KATNAL2: variants seen among roughly 807,000 people sequenced by gnomAD.
KATNAL2 encodes katanin p60 ATPase-containing subunit A-like 2.
Under a neutral mutation model 76.3 loss-of-function variants are expected in KATNAL2, and 52 were observed. That is an observed-to-expected ratio of 0.68 (90% CI 0.55 to 0.86). The LOEUF is 0.86. Ranked by LOEUF, KATNAL2 falls within the 40% of genes least tolerant of loss-of-function variation. The pLI is 0.00. For missense variants in KATNAL2, 660 were observed against 668.9 expected (o/e 0.99, Z 0.15); for synonymous variants, 243 against 244.2 (o/e 1.00, Z 0.05).
intron 3 of KATNAL2, among the ~76,000 whole-genome samples, chr18:46,959,250 A>C (rs1245391324): frequency 6.6e-6 from 1 of 152,228 alleles, no homozygotes; most frequent in Non-Finnish European, 1.5e-5. Context: ...TGAATTTTAA[A>C]TAACTCTTAC....
chr18:46,951,685 TCTC>T (rs2146703740), intron 3 of KATNAL2, among the ~76,000 whole-genome samples: 1 of 152,214 alleles, frequency 6.6e-6, no homozygotes, highest in East Asian at 1.9e-4. Context: ...CTATGAAACT[TCTC>T]CTCTCACCTT....
At chr18:47,032,261 C>T (rs558544313) in intron 3 of KATNAL2, among the ~76,000 whole-genome samples, 2 of 152,342 alleles carry the variant, frequency 1.3e-5, no homozygotes, top group South Asian at 4.1e-4. Flanking sequence ...TAGCAGTTTT[C>T]TTTGAGCCAT....
rs1371279407 is a variant in KATNAL2, at chr18:47,033,920, C to G, written c.52-12537C>G. On this transcript the variant is annotated intron_variant, in intron 3 of 17. Coordinates refer to ENST00000683218, the MANE Select transcript of KATNAL2 (RefSeq NM_001387690.1). ...TGGCTGGGCACCGTTTTCGGCCCGG[C>G]GGAATCAGCGCCGGCCGCCTGCAGC... The G allele has an allele frequency of 1.2e-6, 2 of 1,612,998 alleles. No individual in the cohort carries two copies. The highest frequency in any genetic ancestry group is 4.5e-5 in the East Asian group (2 of 44,874).
chr18:47,042,041 T>C (rs1043873647), intron 3 of KATNAL2, among the ~76,000 whole-genome samples: 2 of 152,180 alleles, frequency 1.3e-5, no homozygotes, highest in Non-Finnish European at 2.9e-5. Context: ...CATTTTTAAG[T>C]GGATTTTTTT....
intron 15 of KATNAL2, among the ~76,000 whole-genome samples, chr18:47,079,055 A>G (rs899713713): frequency 1.1e-4 from 16 of 152,046 alleles, no homozygotes; most frequent in African/African-American, 3.9e-4. Flanking sequence ...TGAACCCACC[A>G]TCTCCCCGTT....
intron 8 of KATNAL2, among the ~76,000 whole-genome samples, chr18:47,061,938 G>A (rs1261213667): frequency 6.6e-6 from 1 of 152,000 alleles, no homozygotes; most frequent in Non-Finnish European, 1.5e-5. Flanking sequence ...GAAGGATCAT[G>A]GGTTGGGAGA....
At chr18:46,924,870 C>T (rs1468777596) in intron 1 of KATNAL2, among the ~76,000 whole-genome samples, 4 of 152,114 alleles carry the variant, frequency 2.6e-5, no homozygotes, top group Admixed American at 6.5e-5. Flanking sequence ...AGTTCACTCA[C>T]GATTTGGCTG....
chr18:46,939,348 A>AAAAG (rs1555828130), intron 1 of KATNAL2, among the ~76,000 whole-genome samples: 8 of 152,036 alleles, frequency 5.3e-5, no homozygotes, highest in Non-Finnish European at 7.4e-5. Context: ...TAAAAAAAAA[A>AAAAG]AAAAGAAAAG....
At chr18:47,034,050 A>T in intron 3 of KATNAL2, 1 of 1,614,190 alleles carries the variant, frequency 6.2e-7, no homozygotes, top group East Asian at 2.2e-5. Flanking sequence ...CTCCAAGTGC[A>T]GTGGTGGCAG....
Position 47,075,312 on chromosome 18 carries a change from C to A in KATNAL2, c.1044C>A (p.Ser348=). Residue 348 remains serine (S), a synonymous_variant, in exon 14 of 18, where the codon TCC becomes TCA. Coordinates refer to ENST00000683218, the MANE Select transcript of KATNAL2 (RefSeq NM_001387690.1). ...LFELARYHAP[S]TIFLDELESV... is the part of the protein sequence containing the mutation. ...AGCTTGCCCGCTACCACGCCCCATCCACGATCTTCCTGGACGAGCTGGAGT... is the reference window on the plus strand; with the variant it reads ...AGCTTGCCCGCTACCACGCCCCATCAACGATCTTCCTGGACGAGCTGGAGT... The A allele has an allele frequency of 2.6e-6, 4 of 1,564,020 alleles. No individual in the cohort carries two copies. The highest frequency in any genetic ancestry group is 1.7e-4 in the Middle Eastern group (1 of 5,934).
chr18:46,960,414 A>C (rs1172879138), intron 3 of KATNAL2, among the ~76,000 whole-genome samples: 6 of 142,644 alleles, frequency 4.2e-5, no homozygotes, highest in Non-Finnish European at 9.2e-5. Flanking sequence ...TGGGCAACCC[A>C]AGAGCGAAAC....
At chr18:47,074,657 A>G (rs1400222368) in intron 13 of KATNAL2, among the ~76,000 whole-genome samples, 1 of 152,062 alleles carries the variant, frequency 6.6e-6, no homozygotes, top group African/African-American at 2.4e-5. Flanking sequence ...TGTTCAGTCT[A>G]TAATATTTTA....
rs183663679 is a variant in KATNAL2 at position 47,045,352 on chromosome 18, G to A, written c.52-1105G>A. On this transcript the variant is annotated intron_variant, in intron 3 of 17. Coordinates refer to ENST00000683218, the MANE Select transcript of KATNAL2 (RefSeq NM_001387690.1). ...TTCTTTTTTTTTTTTTTGAGACAGA[G>A]TCTTACTCTGTCACCCAGCTTGGAG... Among the ~76,000 whole-genome samples the A allele has an allele frequency of 2.3e-3, 296 of 128,464 alleles. 2 individuals carry two copies. The highest frequency in any genetic ancestry group is 0.013 in the South Asian group (59 of 4,580). The allele number at this position is 128,464 out of a possible 152,430, so 84.3% of individuals were successfully genotyped here.
At chr18:47,089,587 G>C (rs1380068752) in intron 15 of KATNAL2, among the ~76,000 whole-genome samples, 1 of 152,188 alleles carries the variant, frequency 6.6e-6, no homozygotes, top group Non-Finnish European at 1.5e-5. Context: ...AGAATGAGAA[G>C]TGGGGTCTCT....
chr18:47,054,515 C>A, intron 6 of KATNAL2, 77 bp downstream of exon 6: 1 of 1,389,940 alleles, frequency 7.2e-7, no homozygotes, highest in Non-Finnish European at 1.0e-6. Flanking sequence ...GCTTTACCAT[C>A]ACAGCTCTGT....
rs112457274 is a variant in KATNAL2, at chr18:47,098,508, T to C, written c.1212-735T>C. On this transcript the variant is annotated intron_variant, in intron 15 of 17. Transcript: ENST00000683218. ...GCTCACGATTCAAATTATCTCCTAC[T>C]GGGTCCCTCCCACAACACGTGGGAA... The C allele has an allele frequency of 3.7e-3, 592 of 159,574 alleles. 6 individuals are homozygous for C. The highest frequency in any genetic ancestry group is 0.014 in the African/African-American group (569 of 41,672). 9.9% of individuals were successfully genotyped at this position (159,574 alleles called of 1,614,324 possible).
chr18:47,050,820 G>T (rs895422020), intron 4 of KATNAL2, among the ~76,000 whole-genome samples: 1 of 152,230 alleles, frequency 6.6e-6, no homozygotes, highest in African/African-American at 2.4e-5. Flanking sequence ...GGTGACGTGA[G>T]CTGGACTTAA....
chr18:46,921,431 TGTCATAAGA>T (rs1189852773), intron 1 of KATNAL2, among the ~76,000 whole-genome samples: 1 of 152,206 alleles, frequency 6.6e-6, no homozygotes, highest in African/African-American at 2.4e-5. Context: ...TGGCATAAAG[TGTCATAAGA>T]TTTTAATACA....
intron 15 of KATNAL2, among the ~76,000 whole-genome samples, chr18:47,085,965 T>C (rs1305652901): frequency 1.3e-5 from 2 of 151,942 alleles, no homozygotes; most frequent in East Asian, 3.9e-4. Context: ...TGGTGGTGTG[T>C]GCCTATAGTC....
Sources: gnomAD v4.1 joint callset for allele counts (sites outside exome capture counted in the v4.1 genomes callset) on GRCh38, gnomAD v4.1.1 for gene constraint, MANE v1.5 for transcripts, NCBI Gene and HGNC (gene_info 2026-07-23, HGNC 2026-07-21) for gene names.